SEMA5A: variants seen among roughly 807,000 people sequenced by gnomAD.
SEMA5A encodes the protein semaphorin-5A.
SEMA5A carries 55 observed loss-of-function variants against 135.5 expected under a neutral mutation model. That is an observed-to-expected ratio of 0.41 (90% CI 0.33 to 0.51). The LOEUF (loss-of-function observed/expected upper bound fraction) is 0.51. SEMA5A is among the 20% of genes least tolerant of loss of function. The pLI is 0.37. For synonymous variants in SEMA5A, 580 were observed against 546.5 expected (o/e 1.06, Z -0.85); for missense variants, 1,290 against 1,419.9 (o/e 0.91, Z 1.47).
chr5:9,341,618 G>A (rs2150729469), intron 3 of SEMA5A, among the ~76,000 whole-genome samples: 1 of 148,000 alleles, frequency 6.8e-6, no homozygotes, highest in Admixed American at 6.8e-5. Context: ...ATGATGAAAT[G>A]GAGCTTAAAT....
intron 11 of SEMA5A, 96 bp downstream of exon 11, chr5:9,190,171 A>C (rs184930562): frequency 6.2e-5 from 81 of 1,313,356 alleles, no homozygotes; most frequent in Non-Finnish European, 1.2e-5. Context: ...CATCAGGCGT[A>C]AAGCTTGAAA....
chr5:9,338,980 T>A (rs907546899), intron 3 of SEMA5A, among the ~76,000 whole-genome samples: 9 of 152,142 alleles, frequency 5.9e-5, no homozygotes, highest in African/African-American at 2.2e-4. Context: ...CAAGTAAAAT[T>A]TATCTTCTGC....
intron 5 of SEMA5A, among the ~76,000 whole-genome samples, chr5:9,311,162 T>C (rs1224218552): frequency 6.6e-6 from 1 of 151,880 alleles, no homozygotes; most frequent in Non-Finnish European, 1.5e-5. Context: ...GGTCCTGCTC[T>C]GTGCATTGTA....
At chr5:9,135,752 C>T (rs1741703521) in intron 13 of SEMA5A, among the ~76,000 whole-genome samples, 1 of 152,040 alleles carries the variant, frequency 6.6e-6, no homozygotes, top group Admixed American at 6.5e-5. Context: ...AACTGTTGTT[C>T]ATATTCTATG....
intron 3 of SEMA5A, among the ~76,000 whole-genome samples, chr5:9,362,097 G>C (rs3797999): frequency 0.051 from 7,741 of 152,136 alleles, 428 homozygotes; most frequent in East Asian, 0.13. Context: ...TCTCGTCTTG[G>C]GGGGTGAATC....
At chr5:9,229,964 A>G (rs905281791) in intron 6 of SEMA5A, among the ~76,000 whole-genome samples, 1 of 151,858 alleles carries the variant, frequency 6.6e-6, no homozygotes, top group Non-Finnish European at 1.5e-5. Context: ...TGCAAATAAG[A>G]CTGTAGGTTG....
intron 2 of SEMA5A, among the ~76,000 whole-genome samples, chr5:9,407,983 A>C (rs1756953149): frequency 6.6e-6 from 1 of 151,932 alleles, no homozygotes; most frequent in African/African-American, 2.4e-5. Flanking sequence ...TGCCACCATC[A>C]CTACTACTGC....
At chr5:9,127,832 C>A (rs1157900561) in intron 13 of SEMA5A, among the ~76,000 whole-genome samples, 1 of 152,122 alleles carries the variant, frequency 6.6e-6, no homozygotes, top group Non-Finnish European at 1.5e-5. Context: ...CTAGGATCTC[C>A]TTAGCTCTAA....
chr5:9,343,754 ATGCTGTGTCT>A (rs1753747906), intron 3 of SEMA5A, among the ~76,000 whole-genome samples: 1 of 152,192 alleles, frequency 6.6e-6, no homozygotes, highest in Non-Finnish European at 1.5e-5. Flanking sequence ...CTGGTTTACT[ATGCTGTGTCT>A]TGCCTGCTAC....
intron 1 of SEMA5A, among the ~76,000 whole-genome samples, chr5:9,457,938 C>T (rs184426001): frequency 7.8e-5 from 9 of 115,338 alleles, no homozygotes; most frequent in East Asian, 5.4e-4. Flanking sequence ...GACAGAGTCT[C>T]GCTCTGTCAC....
intron 1 of SEMA5A, among the ~76,000 whole-genome samples, chr5:9,443,601 G>A (rs566069881): frequency 2.0e-5 from 3 of 152,188 alleles, no homozygotes; most frequent in Non-Finnish European, 4.4e-5. Context: ...GCAAATTAAC[G>A]TATTTATCAT....
At chr5:9,299,720 T>C (rs1009525669) in intron 5 of SEMA5A, among the ~76,000 whole-genome samples, 1 of 152,172 alleles carries the variant, frequency 6.6e-6, no homozygotes, top group African/African-American at 2.4e-5. Flanking sequence ...CCATAAATGT[T>C]AACACCTTTC....
chr5:9,225,016 G>T, intron 7 of SEMA5A, 129 bp from the exon 8 acceptor site: 2 of 759,108 alleles, frequency 2.6e-6, no homozygotes, highest in Non-Finnish European at 4.2e-6. Context: ...GGGGCAAGAT[G>T]ACCAACTTTT....
chr5:9,218,066 G>C (rs1746730584), intron 8 of SEMA5A, among the ~76,000 whole-genome samples: 1 of 152,086 alleles, frequency 6.6e-6, no homozygotes, highest in Admixed American at 6.5e-5. Flanking sequence ...GCGGGGAGGA[G>C]GGAGAAGAGA....
intron 3 of SEMA5A, among the ~76,000 whole-genome samples, chr5:9,371,312 T>C (rs893385377): frequency 6.6e-6 from 1 of 152,176 alleles, no homozygotes; most frequent in Non-Finnish European, 1.5e-5. Context: ...AGTCTAATTA[T>C]TGCTTATAAA....
chr5:9,128,265 C>A (rs898733104), intron 13 of SEMA5A, among the ~76,000 whole-genome samples: 2 of 152,188 alleles, frequency 1.3e-5, no homozygotes. Flanking sequence ...AGGCTATAAG[C>A]CAATCATGGC....
rs149370427 is a variant in SEMA5A, at chr5:9,151,795, T to C, written c.1481+2693A>G. The stretch of plus-strand genomic sequence containing the variant: ...TATCAGTTGAAAATGAAGTTACGAT[T>C]TCTTACTGCTTCTCTCAGAGTAAAC... On this transcript the variant is annotated intron_variant, in intron 12 of 22. Coordinates refer to ENST00000382496, the MANE Select transcript of SEMA5A (RefSeq NM_003966.3). Among the ~76,000 whole-genome samples, 539 of 152,300 alleles carry C rather than the reference T, an allele frequency of 3.5e-3. 2 individuals carry two copies. Among genetic ancestry groups the C allele is most frequent in the African/African-American group, 0.013 (520 of 41,562 alleles).
intron 16 of SEMA5A, among the ~76,000 whole-genome samples, chr5:9,103,621 A>C (rs1335929497): frequency 6.6e-6 from 1 of 152,194 alleles, no homozygotes; most frequent in Non-Finnish European, 1.5e-5. Context: ...TATTTCAGTA[A>C]GAAATATAGT....
intron 1 of SEMA5A, among the ~76,000 whole-genome samples, chr5:9,531,652 C>T (rs369985852): frequency 6.6e-6 from 1 of 152,154 alleles, no homozygotes; most frequent in Non-Finnish European, 1.5e-5. Flanking sequence ...GGTTCAGGTC[C>T]TTGAGGCACG....
Sources: gnomAD v4.1 joint callset for allele counts (sites outside exome capture counted in the v4.1 genomes callset) on GRCh38, gnomAD v4.1.1 for gene constraint, MANE v1.5 for transcripts, NCBI Gene and HGNC (gene_info 2026-07-23, HGNC 2026-07-21) for gene names.